The following TJP2 variants were observed in gnomAD, a reference collection of about 807,000 sequenced individuals.
TJP2 encodes the protein tight junction protein 2.
A neutral mutation model predicts 133.1 loss-of-function variants in TJP2; 91 were observed. The ratio of observed to expected loss-of-function variants is 0.68; its 90% CI spans 0.58 to 0.81. The LOEUF is 0.81. Ranked by LOEUF, TJP2 falls within the 40% of genes least tolerant of loss-of-function variation. The pLI is 0.00. For missense variants in TJP2, 1,541 were observed against 1,565.6 expected, an observed-to-expected ratio of 0.98 and a Z score of 0.26; for synonymous variants, 592 against 583.4, an observed-to-expected ratio of 1.01 and a Z score of -0.21.
intron 1 of TJP2, among the ~76,000 whole-genome samples, chr9:69,185,881 C>CTTTTTTT (rs34030534): frequency 7.4e-6 from 1 of 135,432 alleles, no homozygotes; most frequent in Non-Finnish European, 1.6e-5. Flanking sequence ...TAATGTAGTC[C>CTTTTTTT]TTTTTTTTTT....
At chr9:69,144,466 C>T (rs2133305688) in intron 1 of TJP2, among the ~76,000 whole-genome samples, 2 of 152,032 alleles carry the variant, frequency 1.3e-5, no homozygotes, top group Admixed American at 1.3e-4. Context: ...CAAGGAGCAG[C>T]ATGACTCTTG....
At chr9:69,193,812 T>C (rs1425534301) in intron 1 of TJP2, among the ~76,000 whole-genome samples, 1 of 151,850 alleles carries the variant, frequency 6.6e-6, no homozygotes, top group Non-Finnish European at 1.5e-5. Flanking sequence ...TTCCCCTCCC[T>C]GTCTCTTGTC....
At chr9:69,247,720 T>C (rs1407506090) in intron 18 of TJP2, among the ~76,000 whole-genome samples, 5 of 152,108 alleles carry the variant, frequency 3.3e-5, no homozygotes, top group African/African-American at 1.2e-4. Context: ...AGGAGCTGGA[T>C]TCAGAAGAAA....
intron 1 of TJP2, among the ~76,000 whole-genome samples, chr9:69,145,188 T>C (rs1048777426): frequency 1.3e-5 from 2 of 152,238 alleles, no homozygotes; most frequent in Admixed American, 6.5e-5. Flanking sequence ...TAGAAATGCA[T>C]TGCTATAAAA....
chr9:69,173,920 C>G (rs916199647), upstream of TJP2: 4 of 982,394 alleles, frequency 4.1e-6, no homozygotes, highest in South Asian at 1.9e-4. Flanking sequence ...CCTGCTTGCT[C>G]CAGTGCACGC....
intron 1 of TJP2, among the ~76,000 whole-genome samples, chr9:69,201,033 G>C (rs975730333): frequency 6.6e-5 from 10 of 152,194 alleles, no homozygotes; most frequent in Non-Finnish European, 1.3e-4. Flanking sequence ...TATGTCGAAT[G>C]AATGAGCCTC....
chr9:69,244,922 T>C (rs1190703323), intron 17 of TJP2, among the ~76,000 whole-genome samples: 1 of 152,244 alleles, frequency 6.6e-6, no homozygotes, highest in Non-Finnish European at 1.5e-5. Flanking sequence ...TAACTTTAGG[T>C]TTTCTTTATG....
chr9:69,168,955 G>A (rs1311400352), intron 2 of TJP2, among the ~76,000 whole-genome samples: 1 of 152,124 alleles, frequency 6.6e-6, no homozygotes, highest in East Asian at 1.9e-4. Flanking sequence ...CAGGTGAACC[G>A]GGTGGTTATT....
intron 12 of TJP2, among the ~76,000 whole-genome samples, chr9:69,234,856 G>T (rs1421537797): frequency 1.3e-5 from 2 of 152,176 alleles, no homozygotes; most frequent in Admixed American, 1.3e-4. Flanking sequence ...CATACGACAT[G>T]TGCAAAGGCC....
At chr9:69,185,403 T>TAGTC (rs1825792486) in intron 1 of TJP2, among the ~76,000 whole-genome samples, 1 of 152,198 alleles carries the variant, frequency 6.6e-6, no homozygotes, top group African/African-American at 2.4e-5. Flanking sequence ...TTTCACTTTA[T>TAGTC]AGTCACATGG....
chr9:69,236,000 T>A, intron 12 of TJP2, 28 bp from the exon 13 acceptor site: 1 of 1,607,874 alleles, frequency 6.2e-7, no homozygotes, highest in Middle Eastern at 1.7e-4. Flanking sequence ...CTAAGCTGAA[T>A]GCAACAAACG....
At chr9:69,137,520 G>T (rs74771825) in intron 1 of TJP2, among the ~76,000 whole-genome samples, 20 of 151,150 alleles carry the variant, frequency 1.3e-4, no homozygotes, top group African/African-American at 4.1e-4. Flanking sequence ...GCACCACCAG[G>T]CCCGGCCAAT....
At chr9:69,242,932 C>T (rs530579443) in intron 17 of TJP2, among the ~76,000 whole-genome samples, 54 of 152,300 alleles carry the variant, frequency 3.5e-4, no homozygotes, top group Admixed American at 2.3e-3. Flanking sequence ...GGCACGATCT[C>T]GGTTCACTGC....
rs75852200 is a variant in TJP2, at chr9:69,140,396, C to T, written c.-130-11255C>T. On this transcript the variant is annotated intron_variant, in intron 1 of 5. Transcript: ENST00000423935. Reference sequence around the variant, plus strand: ...ACTCTTCCAAAGCCACACAGCTAGTCAGTGATGGAGCTGGACTTCAATCTC... The same window carrying T: ...ACTCTTCCAAAGCCACACAGCTAGTTAGTGATGGAGCTGGACTTCAATCTC... Among the ~76,000 whole-genome samples, 1,070 of 152,264 alleles carry T rather than the reference C, an allele frequency of 7.0e-3. 32 individuals carry two copies. In the East Asian group the frequency reaches 0.097, roughly 14 times the overall value.
At chr9:69,249,122 G>C in intron 19 of TJP2, 1 of 1,290,790 alleles carries the variant, frequency 7.7e-7, no homozygotes, top group South Asian at 1.8e-5. Context: ...AGTGACACAA[G>C]AGATTTTAGA....
chr9:69,228,424 G>A (rs544722932), intron 9 of TJP2, among the ~76,000 whole-genome samples: 3 of 152,290 alleles, frequency 2.0e-5, no homozygotes, highest in South Asian at 2.1e-4. Flanking sequence ...TCACACCTTG[G>A]TGACAGGATC....
intron 19 of TJP2, chr9:69,249,104 T>G (rs1355282075): frequency 1.1e-5 from 14 of 1,236,766 alleles, no homozygotes; most frequent in African/African-American, 1.5e-5. Flanking sequence ...CCTATAGACA[T>G]GGATATTAGT....
At chr9:69,182,948 C>T (rs917171260) in intron 1 of TJP2, among the ~76,000 whole-genome samples, 1 of 151,570 alleles carries the variant, frequency 6.6e-6, no homozygotes, top group Non-Finnish European at 1.5e-5. Flanking sequence ...ACCACCATGC[C>T]CGGCTAATTT....
At chr9:69,225,198 A>G (rs1312714726) in intron 5 of TJP2, 106 bp from the exon 6 acceptor site, 4 of 762,202 alleles carry the variant, frequency 5.2e-6, no homozygotes, top group Non-Finnish European at 8.9e-6. Flanking sequence ...TTTCCCATAT[A>G]CAAAATTAAC....
Sources: gnomAD v4.1 joint callset for allele counts (sites outside exome capture counted in the v4.1 genomes callset) on GRCh38, gnomAD v4.1.1 for gene constraint, MANE v1.5 for transcripts, NCBI Gene and HGNC (gene_info 2026-07-23, HGNC 2026-07-21) for gene names.